Variants in ABLIM3 observed in about 807,000 individuals in gnomAD.
ABLIM3 encodes actin-binding LIM protein 3.
ABLIM3 carries 61 observed loss-of-function variants against 109.5 expected under a neutral mutation model. The ratio of observed to expected loss-of-function variants is 0.56; its 90% CI spans 0.45 to 0.69. ABLIM3 has a LOEUF of 0.69. Among genes scored for constraint, ABLIM3 ranks in the 30% least tolerant of loss-of-function variants. The probability of loss-of-function intolerance (pLI) is 0.00; values close to 1 mark genes in which losing one functional copy is unlikely to be tolerated. For synonymous variants in ABLIM3, 300 were observed against 324.8 expected, an observed-to-expected ratio of 0.92 and a Z score of 0.82; for missense variants, 796 against 889.5, an observed-to-expected ratio of 0.89 and a Z score of 1.34.
chr5:149,258,220 C>T, intron 23 of ABLIM3, 71 bp from the exon 24 acceptor site: 3 of 1,416,134 alleles, frequency 2.1e-6, no homozygotes, highest in Non-Finnish European at 3.0e-6. Context: ...CTCCAGCTAC[C>T]CCTGCATCTT....
intron 8 of ABLIM3, among the ~76,000 whole-genome samples, chr5:149,224,737 C>T (rs1292902425): frequency 2.0e-5 from 3 of 152,174 alleles, no homozygotes; most frequent in African/African-American, 7.2e-5. Flanking sequence ...TAGTCCCTGA[C>T]ATAGGCGGAC....
intron 3 of ABLIM3, among the ~76,000 whole-genome samples, chr5:149,191,431 T>G (rs1459910601): frequency 6.6e-6 from 1 of 152,216 alleles, no homozygotes; most frequent in Non-Finnish European, 1.5e-5. Flanking sequence ...ATTTGTGAAT[T>G]TGTAGTTAAA....
chr5:149,233,340 T>G, intron 10 of ABLIM3, 40 bp downstream of exon 10: 1 of 1,585,186 alleles, frequency 6.3e-7, no homozygotes, highest in South Asian at 1.1e-5. Context: ...CCTTCTTTAT[T>G]CCTGACCTGG....
At chr5:149,202,070 A>G (rs576885540) in intron 5 of ABLIM3, among the ~76,000 whole-genome samples, 3 of 152,250 alleles carry the variant, frequency 2.0e-5, no homozygotes, top group Non-Finnish European at 4.4e-5. Context: ...GAGGTTTAAT[A>G]TAGAAAGCAC....
intron 2 of ABLIM3, among the ~76,000 whole-genome samples, chr5:149,173,412 G>A (rs1006280583): frequency 6.6e-6 from 1 of 152,214 alleles, no homozygotes; most frequent in African/African-American, 2.4e-5. Context: ...CTGACCTCAG[G>A]CAAGTGTCCC....
intron 23 of ABLIM3, among the ~76,000 whole-genome samples, chr5:149,254,201 T>C (rs907156767): frequency 1.3e-5 from 2 of 152,130 alleles, no homozygotes; most frequent in African/African-American, 4.8e-5. Flanking sequence ...GCCCTTCGCA[T>C]CTCACCAGCC....
intron 21 of ABLIM3, 113 bp from the exon 22 acceptor site, chr5:149,252,088 G>A (rs151194261): frequency 1.6e-6 from 2 of 1,216,574 alleles, no homozygotes; most frequent in Non-Finnish European, 2.3e-6. Context: ...GTCAAGAGAA[G>A]GAGACAATAG....
At chr5:149,231,666 C>T (rs1761873212) in intron 9 of ABLIM3, among the ~76,000 whole-genome samples, 1 of 152,122 alleles carries the variant, frequency 6.6e-6, no homozygotes, top group South Asian at 2.1e-4. Context: ...CTTGCAAGAC[C>T]CTCTCCCATT....
rs747716272 is a variant in ABLIM3, at chr5:149,239,883, G to T, written c.1199G>T (p.Arg400Leu). The change falls in exon 13 of 24, where the codon CGC (arginine) becomes CTC (leucine). Residue 400 changes from arginine (R) to leucine (L), a missense_variant. Coordinates refer to ENST00000309868, the MANE Select transcript of ABLIM3 (RefSeq NM_014945.5). Reference protein sequence around the residue: ...TFSRSPHHYYRSGPESGRSSP... With the variant: ...TFSRSPHHYYLSGPESGRSSP... ...TCCCGCTCACCTCACCACTACTACC[G>T]CTCTGGTAAGGAAGGGGGAGGACCT... The T allele has an allele frequency of 6.2e-7, 1 of 1,604,376 alleles. No individual in the cohort carries two copies. Among genetic ancestry groups the T allele is most frequent in the Non-Finnish European group, 8.5e-7 (1 of 1,175,110 alleles).
At chr5:149,199,314 A>G (rs1208534951) in intron 4 of ABLIM3, among the ~76,000 whole-genome samples, 1 of 152,164 alleles carries the variant, frequency 6.6e-6, no homozygotes, top group Non-Finnish European at 1.5e-5. Context: ...TCTCCGCATA[A>G]AATAACCACC....
At chr5:149,251,288 G>A (rs11749878) in intron 20 of ABLIM3, 71 bp from the exon 21 acceptor site, 1 of 1,574,636 alleles carries the variant, frequency 6.4e-7, no homozygotes, top group Non-Finnish European at 8.7e-7. Flanking sequence ...ATTTTCTGGA[G>A]GTGGGTGAGT....
At chr5:149,141,958 A>G in intron 1 of ABLIM3, 51 bp from the exon 2 acceptor site, 1 of 1,234,600 alleles carries the variant, frequency 8.1e-7, no homozygotes, top group South Asian at 1.3e-5. Context: ...AGAGGGAGAG[A>G]GAGCACCTGA....
chr5:149,239,116 T>G (rs1195011195), intron 11 of ABLIM3, 132 bp from the exon 12 acceptor site: 1 of 843,074 alleles, frequency 1.2e-6, no homozygotes, highest in African/African-American at 1.7e-5. Flanking sequence ...GGCTGTTATC[T>G]GGAGAGGGGT....
chr5:149,253,669 C>T (rs1236440428), intron 23 of ABLIM3, among the ~76,000 whole-genome samples: 10 of 152,136 alleles, frequency 6.6e-5, no homozygotes, highest in Admixed American at 6.5e-4. Flanking sequence ...GAGAGGAGAA[C>T]AGCATAAATA....
intron 3 of ABLIM3, among the ~76,000 whole-genome samples, chr5:149,195,056 C>T (rs1757828390): frequency 6.6e-6 from 1 of 152,120 alleles, no homozygotes. Context: ...TCATAAAATC[C>T]AGTCTCATTC....
chr5:149,192,747 T>C (rs1757611821), intron 3 of ABLIM3, among the ~76,000 whole-genome samples: 1 of 151,940 alleles, frequency 6.6e-6, no homozygotes, highest in African/African-American at 2.4e-5. Context: ...GCAATGATCA[T>C]CAATAGCCAT....
intron 10 of ABLIM3, among the ~76,000 whole-genome samples, chr5:149,234,330 C>A (rs1409442753): frequency 1.3e-5 from 2 of 152,184 alleles, no homozygotes; most frequent in African/African-American, 4.8e-5. Context: ...ACTGTTCCAG[C>A]CTTCCACAAG....
intron 10 of ABLIM3, among the ~76,000 whole-genome samples, chr5:149,234,405 C>T (rs1286179704): frequency 6.6e-6 from 1 of 152,140 alleles, no homozygotes; most frequent in African/African-American, 2.4e-5. Context: ...CCATTCCTGA[C>T]AAGAAGCTCT....
Position 149,214,825 on chromosome 5 carries a change from G to T in ABLIM3, c.670-2134G>T, listed in dbSNP as rs1561595487. ...CCCTGTCTGTTTCCTCACCAAAAAG[G>T]ACCACAACCTGGTTTGCTTGTTGCT... On this transcript the variant is annotated intron_variant, in intron 7 of 23. Coordinates refer to ENST00000309868, the MANE Select transcript of ABLIM3 (RefSeq NM_014945.5). 2.0e-5 allele frequency among the ~76,000 whole-genome samples: 3 copies of T among 152,206 alleles called. No homozygotes were observed. The East Asian group carries it at 5.8e-4, about 29-fold the overall frequency.
Sources: allele counts gnomAD v4.1 joint callset (sites outside exome capture counted in the v4.1 genomes callset), GRCh38; gene constraint gnomAD v4.1.1; transcripts MANE v1.5; gene names NCBI Gene and HGNC (gene_info 2026-07-23, HGNC 2026-07-21).